The following EREG variants were observed in gnomAD, a reference collection of about 807,000 sequenced individuals.
EREG encodes epiregulin.
In EREG, 23 loss-of-function variants were observed where a neutral mutation model predicts 22.4. That is an observed-to-expected ratio of 1.03 (90% CI 0.74 to 1.46). The LOEUF (loss-of-function observed/expected upper bound fraction) is 1.46, where lower values mean the gene tolerates loss of function less well. EREG is among the 40% of genes most tolerant of loss of function. The pLI, the probability that EREG is intolerant of heterozygous loss-of-function variation, is 0.00. For missense variants in EREG, 226 were observed against 205.9 expected (o/e 1.10, Z -0.60); for synonymous variants, 100 against 75.4 (o/e 1.33, Z -1.69).
chr4:74,373,666 TTC>T (rs372852378), intron 1 of EREG, among the ~76,000 whole-genome samples: 7 of 144,866 alleles, frequency 4.8e-5, no homozygotes, highest in Admixed American at 2.8e-4. Flanking sequence ...TATATATGTG[TTC>T]ATATATATTT....
At chr4:74,371,827 T>C (rs1752295886) in intron 1 of EREG, among the ~76,000 whole-genome samples, 1 of 151,504 alleles carries the variant, frequency 6.6e-6, no homozygotes, top group Non-Finnish European at 1.5e-5. Flanking sequence ...CCTGCCTATG[T>C]CTCCTCCTTT....
intron 4 of EREG, among the ~76,000 whole-genome samples, chr4:74,384,377 C>G (rs898907087): frequency 6.6e-6 from 1 of 151,594 alleles, no homozygotes; most frequent in Non-Finnish European, 1.5e-5. Context: ...ATATTCATTC[C>G]TTAGAAGGGA....
chr4:74,370,271 T>C (rs536716380), intron 1 of EREG, among the ~76,000 whole-genome samples: 1 of 152,322 alleles, frequency 6.6e-6, no homozygotes, highest in East Asian at 1.9e-4. Flanking sequence ...TGTATAACTC[T>C]ATCCCTCCTT....
At chr4:74,372,177 C>CA (rs1434968694) in intron 1 of EREG, among the ~76,000 whole-genome samples, 2 of 152,178 alleles carry the variant, frequency 1.3e-5, no homozygotes, top group Non-Finnish European at 2.9e-5. Context: ...TCACTGAAGT[C>CA]AAGGTCGCCA....
chr4:74,373,922 A>G (rs1278909819), intron 1 of EREG, among the ~76,000 whole-genome samples: 1 of 152,184 alleles, frequency 6.6e-6, no homozygotes, highest in African/African-American at 2.4e-5. Flanking sequence ...ACAAAAAGAC[A>G]TCCAAAAACA....
rs1394299871 is a variant in EREG at position 74,385,486 on chromosome 4, C to T, written c.*678C>T. Reference sequence around the variant, plus strand: ...CTAGTCACTCATCTACCAGATTCTGCCTATGTAAAATGAATTGAAAAACAA... The same window carrying T: ...CTAGTCACTCATCTACCAGATTCTGTCTATGTAAAATGAATTGAAAAACAA... On this transcript the variant is annotated 3_prime_UTR_variant, in exon 5 of 5. Transcript: ENST00000244869. 6.3e-6 allele frequency: 1 copy of T among 158,458 alleles called. No homozygotes were observed. Among genetic ancestry groups the T allele is most frequent in the African/African-American group, 2.4e-5 (1 of 41,812 alleles). The allele number at this position is 158,458 out of a possible 1,614,324, so 9.8% of individuals were successfully genotyped here.
chr4:74,384,612 C>A, intron 4 of EREG, 115 bp from the exon 5 acceptor site: 2 of 477,814 alleles, frequency 4.2e-6, no homozygotes, highest in Non-Finnish European at 3.9e-6. Context: ...TAAATCTGTT[C>A]AACTTTGTCA....
chr4:74,377,046 G>A (rs1204329361), intron 1 of EREG, among the ~76,000 whole-genome samples: 2 of 151,154 alleles, frequency 1.3e-5, no homozygotes, highest in African/African-American at 4.9e-5. Flanking sequence ...AAATTACAGA[G>A]ATAGACAAAC....
At chr4:74,371,068 T>C (rs72859333) in intron 1 of EREG, among the ~76,000 whole-genome samples, 1 of 152,036 alleles carries the variant, frequency 6.6e-6, no homozygotes, top group Admixed American at 6.6e-5. Context: ...GTGACAACCA[T>C]CATAGTCTCC....
intron 4 of EREG, among the ~76,000 whole-genome samples, chr4:74,384,204 A>G (rs545603156): frequency 5.3e-5 from 8 of 152,210 alleles, no homozygotes; most frequent in Non-Finnish European, 1.2e-4. Context: ...TAAGATGAGG[A>G]TGGTAACAGC....
intron 1 of EREG, among the ~76,000 whole-genome samples, chr4:74,375,619 G>A (rs1578819310): frequency 1.3e-5 from 2 of 151,830 alleles, no homozygotes; most frequent in South Asian, 2.1e-4. Flanking sequence ...GTGAGCCACC[G>A]CGCCCGGCCT....
chr4:74,379,449 T>C lies in EREG; in HGVS notation c.69T>C (p.Gly23=), dbSNP rs200556662. 3 of 1,593,886 alleles carry C rather than the reference T, an allele frequency of 1.9e-6. No homozygotes were observed. Among genetic ancestry groups the C allele is most frequent in the Admixed American group, 3.3e-5 (2 of 59,758 alleles). Residue 23 remains glycine, a splice_region_variant and synonymous_variant, in exon 2 of 5, where the codon GGT becomes GGC. Coordinates refer to ENST00000244869, the MANE Select transcript of EREG (RefSeq NM_001432.3). ...TATTCGATTTTTCTTCATAAATAGG[T>C]TTCCATCTTCTACAGGCAGTCCTCA... ...GRVPALLLCL[G]FHLLQAVLST...
intron 3 of EREG, 148 bp from the exon 4 acceptor site, chr4:74,382,497 C>T: frequency 1.7e-6 from 1 of 599,968 alleles, no homozygotes; most frequent in Non-Finnish European, 2.9e-6. Flanking sequence ...ACTGGTCTAA[C>T]TCAATCTTTG....
chr4:74,374,996 TG>T (rs1178120350), intron 1 of EREG, among the ~76,000 whole-genome samples: 2 of 152,222 alleles, frequency 1.3e-5, no homozygotes, highest in African/African-American at 4.8e-5. Flanking sequence ...ACAGATCATC[TG>T]TGTTATATCA....
rs1051571649 is a variant in EREG, at chr4:74,365,990, C to A, written c.67+615C>A. ...TCCTGGCGCTCCCCACCGCCCTTCG[C>A]CCCTACACCTGCTGCTTGCGTTTTT... On this transcript the variant is annotated intron_variant, in intron 1 of 4. Coordinates refer to ENST00000244869, the MANE Select transcript of EREG (RefSeq NM_001432.3). Among the ~76,000 whole-genome samples the A allele has an allele frequency of 5.3e-5, 8 of 152,102 alleles. No individual in the cohort carries two copies. In the East Asian group the frequency reaches 1.5e-3, roughly 29 times the overall value.
Position 74,386,965 on chromosome 4 carries a change from A to T in EREG, c.*2157A>T, listed in dbSNP as rs980390672. 4.6e-5 allele frequency: 7 copies of T among 151,952 alleles called. No homozygotes were observed. Among genetic ancestry groups the T allele is most frequent in the African/African-American group, 7.3e-5 (3 of 41,316 alleles). 9.4% of individuals were successfully genotyped at this position (151,952 alleles called of 1,614,324 possible). ...GCCACCATGCCCAGCTAATTTTTGTATTTTTAGTAGAGGCGGGGTTTCACC... is the reference window on the plus strand; with the variant it reads ...GCCACCATGCCCAGCTAATTTTTGTTTTTTTAGTAGAGGCGGGGTTTCACC... On this transcript the variant is annotated 3_prime_UTR_variant, in exon 5 of 5. Coordinates refer to ENST00000244869, the MANE Select transcript of EREG (RefSeq NM_001432.3).
chr4:74,374,833 A>C (rs1217824002), intron 1 of EREG, among the ~76,000 whole-genome samples: 11 of 152,174 alleles, frequency 7.2e-5, no homozygotes, highest in Admixed American at 7.2e-4. Context: ...TTTCACTGAA[A>C]CATAATCTGA....
intron 3 of EREG, chr4:74,381,820 CAAA>C (rs574111716): frequency 8.8e-5 from 12 of 135,716 alleles, no homozygotes; most frequent in Non-Finnish European, 1.1e-4. Flanking sequence ...ACTAAAAATA[CAAA>C]AAAAAAAAAA....
chr4:74,365,455 A>G (rs1752160974), intron 1 of EREG, 80 bp downstream of exon 1: 3 of 1,207,628 alleles, frequency 2.5e-6, no homozygotes, highest in Non-Finnish European at 3.5e-6. Flanking sequence ...GTCATTCGAC[A>G]AGTACGGAGT....
Sources: allele counts gnomAD v4.1 joint callset (sites outside exome capture counted in the v4.1 genomes callset), GRCh38; gene constraint gnomAD v4.1.1; transcripts MANE v1.5; gene names NCBI Gene and HGNC (gene_info 2026-07-23, HGNC 2026-07-21).